TRPM3: variants seen among roughly 807,000 people sequenced by gnomAD.
The protein encoded by TRPM3 is long transient receptor potential channel 3.
A neutral mutation model predicts 181.2 loss-of-function variants in TRPM3; 77 were observed. The observed-to-expected ratio is 0.42, with a 90% CI of 0.35 to 0.51. The LOEUF is 0.51. Among genes scored for constraint, TRPM3 ranks in the 20% least tolerant of loss-of-function variants. TRPM3 has a pLI of 0.01. For missense variants in TRPM3, 1,759 were observed against 2,196.7 expected (o/e 0.80, Z 3.98); for synonymous variants, 745 against 796.4 (o/e 0.94, Z 1.09).
intron 22 of TRPM3, among the ~76,000 whole-genome samples, chr9:70,580,059 C>G (rs1346278830): frequency 6.6e-6 from 1 of 152,168 alleles, no homozygotes; most frequent in Admixed American, 6.5e-5. Context: ...CGAGAAGAGT[C>G]AGCAGGTTTA....
intron 1 of TRPM3, among the ~76,000 whole-genome samples, chr9:71,057,740 G>A (rs2060829953): frequency 6.6e-6 from 1 of 151,954 alleles, no homozygotes; most frequent in Admixed American, 6.6e-5. Context: ...CATTGGTCAT[G>A]TATTTTCCAA....
At chr9:71,436,121 C>T (rs1466133542) in intron 1 of TRPM3, among the ~76,000 whole-genome samples, 1 of 152,020 alleles carries the variant, frequency 6.6e-6, no homozygotes, top group East Asian at 1.9e-4. Flanking sequence ...CTCACAAAAT[C>T]TGATGGGTTT....
At chr9:71,375,871 T>C (rs2092653779) in intron 1 of TRPM3, among the ~76,000 whole-genome samples, 1 of 152,096 alleles carries the variant, frequency 6.6e-6, no homozygotes, top group Admixed American at 6.6e-5. Context: ...ATGTACATTG[T>C]TTTTTAGACA....
At chr9:70,776,477 T>C (rs183487852) in intron 7 of TRPM3, 9 of 682,966 alleles carry the variant, frequency 1.3e-5, no homozygotes, top group Admixed American at 4.4e-5. Flanking sequence ...AGATTGGTTA[T>C]ATATTTTGAG....
intron 19 of TRPM3, among the ~76,000 whole-genome samples, chr9:70,604,310 C>T (rs2060606573): frequency 6.6e-6 from 1 of 152,152 alleles, no homozygotes. Context: ...ACTGGTGGCT[C>T]TTGCATAAGG....
intron 1 of TRPM3, among the ~76,000 whole-genome samples, chr9:71,005,795 A>G (rs1301147136): frequency 1.3e-5 from 2 of 152,232 alleles, no homozygotes; most frequent in Non-Finnish European, 2.9e-5. Context: ...ATCTAAAAGA[A>G]GAGGATACAA....
chr9:70,652,095 G>C (rs760589262), intron 9 of TRPM3, among the ~76,000 whole-genome samples: 16 of 152,002 alleles, frequency 1.1e-4, no homozygotes, highest in Non-Finnish European at 2.1e-4. Context: ...AAAAATGCTC[G>C]GAATTGGCAA....
chr9:71,014,556 A>T (rs2097769504), intron 1 of TRPM3, among the ~76,000 whole-genome samples: 1 of 152,098 alleles, frequency 6.6e-6, no homozygotes, highest in South Asian at 2.1e-4. Context: ...GATATTAATT[A>T]CTAAGGGCCT....
At chr9:70,566,767 GT>G (rs2050697127) in intron 22 of TRPM3, among the ~76,000 whole-genome samples, 1 of 152,168 alleles carries the variant, frequency 6.6e-6, no homozygotes, top group Non-Finnish European at 1.5e-5. Context: ...GTCTGCAACA[GT>G]GACTCTCAGA....
At chr9:71,252,129 T>C (rs746884597) in intron 1 of TRPM3, among the ~76,000 whole-genome samples, 1 of 152,194 alleles carries the variant, frequency 6.6e-6, no homozygotes, top group Non-Finnish European at 1.5e-5. Flanking sequence ...CTATTGTGAA[T>C]AGTGCTGCAA....
rs1214319057 is a variant in TRPM3 at position 70,531,996 on chromosome 9, T to G, written c.*3957A>C. On this transcript the variant is annotated 3_prime_UTR_variant, in exon 26 of 26. Coordinates refer to ENST00000677713, the MANE Select transcript of TRPM3 (RefSeq NM_001366145.2). The stretch of plus-strand genomic sequence containing the variant: ...GTTTCTTTATTGAATGTTACAGATT[T>G]ATAAATGATTATAAAGCTCTCCTGT... 1 of 152,224 alleles carries G rather than the reference T, an allele frequency of 6.6e-6. No homozygotes were observed. The highest frequency in any genetic ancestry group is 2.4e-5 in the African/African-American group (1 of 41,456). The allele number at this position is 152,224 out of a possible 1,614,324, so 9.4% of individuals were successfully genotyped here.
At chr9:71,292,281 A>G (rs1018115129) in intron 1 of TRPM3, among the ~76,000 whole-genome samples, 1 of 151,978 alleles carries the variant, frequency 6.6e-6, no homozygotes, top group Non-Finnish European at 1.5e-5. Flanking sequence ...GGAGAATTGT[A>G]TTTTAACAAG....
chr9:71,228,472 T>C (rs4744625), intron 1 of TRPM3, among the ~76,000 whole-genome samples: 65,126 of 151,718 alleles, frequency 0.43, 14,373 homozygotes, highest in East Asian at 0.52. Flanking sequence ...AAATCCTACC[T>C]AGAGCAATCA....
chr9:71,437,208 T>G (rs2094055418), intron 1 of TRPM3, among the ~76,000 whole-genome samples: 1 of 152,162 alleles, frequency 6.6e-6, no homozygotes, highest in Admixed American at 6.5e-5. Context: ...TGAAGGAAGT[T>G]TCTGCTTATA....
intron 1 of TRPM3, among the ~76,000 whole-genome samples, chr9:71,041,050 C>T (rs904351252): frequency 6.6e-6 from 1 of 152,082 alleles, no homozygotes; most frequent in Non-Finnish European, 1.5e-5. Flanking sequence ...GAATAGATTA[C>T]ATAATATTGT....
At chr9:71,427,407 C>T (rs1046475265) in intron 1 of TRPM3, among the ~76,000 whole-genome samples, 1 of 152,028 alleles carries the variant, frequency 6.6e-6, no homozygotes, top group African/African-American at 2.4e-5. Flanking sequence ...GTTTAACAAG[C>T]CCTCCAGGTG....
intron 1 of TRPM3, among the ~76,000 whole-genome samples, chr9:71,102,544 G>T (rs572291167): frequency 6.6e-6 from 1 of 152,124 alleles, no homozygotes; most frequent in African/African-American, 2.4e-5. Flanking sequence ...AACATGCCAT[G>T]CTTCTTCACA....
chr9:71,114,237 T>C (rs1330903351), intron 1 of TRPM3, among the ~76,000 whole-genome samples: 2 of 152,156 alleles, frequency 1.3e-5, no homozygotes, highest in Middle Eastern at 3.2e-3. Flanking sequence ...ACAACTCCTA[T>C]GCATGTCCCT....
At chr9:71,399,164 A>C (rs970107267) in intron 1 of TRPM3, among the ~76,000 whole-genome samples, 4 of 152,204 alleles carry the variant, frequency 2.6e-5, no homozygotes, top group Non-Finnish European at 5.9e-5. Flanking sequence ...ACAAAATAGG[A>C]GACTAAGATA....
Sources: gnomAD v4.1 joint callset for allele counts (sites outside exome capture counted in the v4.1 genomes callset) on GRCh38, gnomAD v4.1.1 for gene constraint, MANE v1.5 for transcripts, NCBI Gene and HGNC (gene_info 2026-07-23, HGNC 2026-07-21) for gene names.